Variants in ARK2C observed in about 807,000 individuals in gnomAD.
The protein encoded by ARK2C is arkadia (RNF111) C-terminal like ring finger ubiquitin ligase 2C.
chr18:46,417,876 C>T, the ARK2C span, among the ~76,000 whole-genome samples: 36 of 151,854 alleles, frequency 2.4e-4, no homozygotes, highest in Non-Finnish European at 4.9e-4. Flanking sequence ...TGGTGGCAGG[C>T]GCCTGTAATC....
At chr18:46,355,673 GTGCCCCTGGC>G in the ARK2C span, among the ~76,000 whole-genome samples, 1 of 152,090 alleles carries the variant, frequency 6.6e-6, no homozygotes, top group Non-Finnish European at 1.5e-5. Context: ...CAATCTCTAA[GTGCCCCTGGC>G]TGCCCCTGAA....
At chr18:46,427,826 C>G in the ARK2C span, among the ~76,000 whole-genome samples, 1 of 152,148 alleles carries the variant, frequency 6.6e-6, no homozygotes, top group East Asian at 1.9e-4. Context: ...TGCCAGGTGC[C>G]AAAGGAGTGG....
the ARK2C span, among the ~76,000 whole-genome samples, chr18:46,392,473 G>A: frequency 7.9e-5 from 12 of 152,312 alleles, no homozygotes; most frequent in South Asian, 1.0e-3. Flanking sequence ...CAAGAACTCC[G>A]TATTTTATTG....
the ARK2C span, among the ~76,000 whole-genome samples, chr18:46,407,554 G>GT: frequency 2.0e-5 from 3 of 152,096 alleles, no homozygotes; most frequent in African/African-American, 4.8e-5. Context: ...CTTGTTTAGT[G>GT]TTTTTTTGTT....
the ARK2C span, among the ~76,000 whole-genome samples, chr18:46,340,901 T>C: frequency 6.6e-6 from 1 of 151,978 alleles, no homozygotes; most frequent in African/African-American, 2.4e-5. Context: ...AAGGGTAGTG[T>C]GTATACAGGA....
the ARK2C span, chr18:46,450,530 A>G: frequency 1.2e-6 from 1 of 846,266 alleles, no homozygotes; most frequent in East Asian, 2.6e-5. Flanking sequence ...AGAGTAAGAA[A>G]GAGAAGAAGG....
the ARK2C span, among the ~76,000 whole-genome samples, chr18:46,377,939 G>A: frequency 6.6e-6 from 1 of 152,098 alleles, no homozygotes; most frequent in Non-Finnish European, 1.5e-5. Flanking sequence ...GGGGCAGGAA[G>A]GCTGCTATGG....
chr18:46,334,715 TGAGA>T, the ARK2C span: 19,753 of 121,728 alleles, frequency 0.16, 603 homozygotes, highest in Non-Finnish European at 0.2. The surrounding 1 kb of genome is among the most constrained non-coding windows in gnomAD (Gnocchi z 4.4). Context: ...TGTGTGTGTG[TGAGA>T]GAGAGAGAGA....
At chr18:46,446,412 T>G in the ARK2C span, among the ~76,000 whole-genome samples, 1 of 152,158 alleles carries the variant, frequency 6.6e-6, no homozygotes, top group Non-Finnish European at 1.5e-5. Context: ...GGCTCATGCC[T>G]GTAATCTCAG....
the ARK2C span, among the ~76,000 whole-genome samples, chr18:46,378,133 G>A: frequency 6.6e-6 from 1 of 152,174 alleles, no homozygotes; most frequent in Non-Finnish European, 1.5e-5. Context: ...TTGAATGCAG[G>A]TTCCATTAAT....
chr18:46,416,673 T>G, the ARK2C span, among the ~76,000 whole-genome samples: 1 of 152,230 alleles, frequency 6.6e-6, no homozygotes, highest in Non-Finnish European at 1.5e-5. Context: ...GGGAAGTCCT[T>G]TTGGTCTTCT....
the ARK2C span, among the ~76,000 whole-genome samples, chr18:46,440,028 C>A: frequency 6.6e-6 from 1 of 152,164 alleles, no homozygotes; most frequent in Non-Finnish European, 1.5e-5. Context: ...CAGGGTTTCA[C>A]CATGTTGGCC....
At chr18:46,375,548 T>C in the ARK2C span, among the ~76,000 whole-genome samples, 13 of 134,206 alleles carry the variant, frequency 9.7e-5, 1 homozygote, top group South Asian at 2.9e-3. Flanking sequence ...AGTGAGACTC[T>C]GTCTCTAATA....
the ARK2C span, among the ~76,000 whole-genome samples, chr18:46,395,437 C>T: frequency 2.0e-5 from 3 of 152,134 alleles, no homozygotes; most frequent in African/African-American, 7.2e-5. Context: ...TAGTAGCATC[C>T]CTGGCTTGGT....
the ARK2C span, among the ~76,000 whole-genome samples, chr18:46,415,547 A>T: frequency 0.13 from 19,096 of 151,744 alleles, 1,349 homozygotes; most frequent in East Asian, 0.28. Flanking sequence ...AAAAAATAAA[A>T]AAATAAATAA....
chr18:46,367,711 C>G, the ARK2C span, among the ~76,000 whole-genome samples: 1 of 152,184 alleles, frequency 6.6e-6, no homozygotes. Flanking sequence ...GTGTCCCCAC[C>G]AGTAGCCTGT....
the ARK2C span, among the ~76,000 whole-genome samples, chr18:46,363,738 C>T: frequency 6.6e-6 from 1 of 152,086 alleles, no homozygotes; most frequent in Non-Finnish European, 1.5e-5. Flanking sequence ...TCCCAGCTGA[C>T]TATAAGCTCC....
At chr18:46,451,383 T>A in the ARK2C span, among the ~76,000 whole-genome samples, 26 of 150,898 alleles carry the variant, frequency 1.7e-4, no homozygotes, top group African/African-American at 5.8e-4. Context: ...GAGTTTAAAA[T>A]TTTTTTTTTA....
At chr18:46,343,640 C>G in the ARK2C span, among the ~76,000 whole-genome samples, 1 of 152,226 alleles carries the variant, frequency 6.6e-6, no homozygotes, top group South Asian at 2.1e-4. Flanking sequence ...GCCTATCTGC[C>G]AAGGGAGAGA....
Sources: allele counts gnomAD v4.1 joint callset (sites outside exome capture counted in the v4.1 genomes callset), GRCh38; gene constraint gnomAD v4.1.1; non-coding constraint Gnocchi (gnomAD v3.1); transcripts MANE v1.5; gene names NCBI Gene and HGNC (gene_info 2026-07-23, HGNC 2026-07-21).